Variants in TET3 observed in about 807,000 individuals in gnomAD.
The protein encoded by TET3 is methylcytosine dioxygenase TET3.
Under a neutral mutation model 141.4 loss-of-function variants are expected in TET3, and 19 were observed. That is an observed-to-expected ratio of 0.13 (90% confidence interval 0.09 to 0.20). TET3 has a LOEUF of 0.20. TET3 is among the 10% of genes least tolerant of loss of function. TET3 has a pLI of 1.00. For synonymous variants in TET3, 1,043 were observed against 980.9 expected, an observed-to-expected ratio of 1.06 and a Z score of -1.18; for missense variants, 1,874 against 2,356.9, an observed-to-expected ratio of 0.80 and a Z score of 4.24.
At chr2:74,085,173 G>T (rs1308197752) in intron 6 of TET3, among the ~76,000 whole-genome samples, 1 of 151,964 alleles carries the variant, frequency 6.6e-6, no homozygotes, top group Non-Finnish European at 1.5e-5. Context: ...AAGAAAATTG[G>T]AGCACTCATG....
At chr2:74,054,362 GA>G (rs561852004) in intron 4 of TET3, among the ~76,000 whole-genome samples, 171 of 152,330 alleles carry the variant, frequency 1.1e-3, no homozygotes, top group Middle Eastern at 3.4e-3. Context: ...TTGGATGTAG[GA>G]GTAAGGGAGG....
At chr2:74,038,963 G>A (rs950806292) in intron 3 of TET3, among the ~76,000 whole-genome samples, 1 of 152,140 alleles carries the variant, frequency 6.6e-6, no homozygotes, top group Non-Finnish European at 1.5e-5. Flanking sequence ...CCATAACCAC[G>A]TTTCATCCCC....
At chr2:74,072,468 C>T (rs539505900) in intron 4 of TET3, among the ~76,000 whole-genome samples, 9 of 150,610 alleles carry the variant, frequency 6.0e-5, no homozygotes, top group Admixed American at 3.3e-4. Context: ...GCCAAGATCG[C>T]GCCATTGCAC....
At chr2:74,061,444 C>T (rs1178262381) in intron 4 of TET3, among the ~76,000 whole-genome samples, 1 of 146,848 alleles carries the variant, frequency 6.8e-6, no homozygotes, top group Non-Finnish European at 1.5e-5. Context: ...CCCTCCCGGA[C>T]GGGGCGGCTG....
rs1004848563 is a variant in TET3 at position 74,102,276 on chromosome 2, C to A, written c.*100C>A. ...GGGGGCGGGTTGGGGGTGCAGAAGT[C>A]TTTTTATCTCTATATACATATATAG... On this transcript the variant is annotated 3_prime_UTR_variant, in exon 12 of 12. Transcript: ENST00000409262. 7.4e-7 allele frequency: 1 copy of A among 1,353,182 alleles called. No individual in the cohort carries two copies. The highest frequency in any genetic ancestry group is 9.5e-7 in the Non-Finnish European group (1 of 1,054,644). 83.8% of individuals were successfully genotyped at this position (1,353,182 alleles called of 1,614,324 possible). A position where few individuals can be genotyped will look rare whatever the true frequency, so the allele number is the denominator to read the frequency against.
chr2:74,003,642 T>C (rs1177536577), intron 3 of TET3, among the ~76,000 whole-genome samples: 1 of 150,954 alleles, frequency 6.6e-6, no homozygotes, highest in East Asian at 1.9e-4. Flanking sequence ...CATGCTGCTG[T>C]CACCATGGAG....
the TET3 span, among the ~76,000 whole-genome samples, chr2:74,115,110 A>T: frequency 6.6e-6 from 1 of 152,152 alleles, no homozygotes; most frequent in Non-Finnish European, 1.5e-5. Flanking sequence ...AACTGAGATT[A>T]TATCATACTA....
intron 4 of TET3, among the ~76,000 whole-genome samples, chr2:74,069,331 A>G (rs1039649014): frequency 2.7e-5 from 4 of 149,358 alleles, no homozygotes; most frequent in Non-Finnish European, 5.9e-5. Flanking sequence ...GCTAGATCAT[A>G]CAGTTTTTAA....
At position 73,986,458 on chromosome 2, in the gene TET3, G is replaced by A. The variant is rs889005795; in HGVS notation, c.55G>A (p.Asp19Asn). 1.6e-6 allele frequency: 2 copies of A among 1,232,144 alleles called. No homozygotes were observed. Among genetic ancestry groups the A allele is most frequent in the African/African-American group, 3.1e-5 (2 of 64,424 alleles). 76.3% of individuals were successfully genotyped at this position (1,232,144 alleles called of 1,614,324 possible). A position where few individuals can be genotyped will look rare whatever the true frequency, so the allele number is the denominator to read the frequency against. The change falls in exon 2 of 12, where the codon GAC becomes AAC. Residue 19 changes from aspartate to asparagine, a missense_variant. Physicochemically the swap from Asp to Asn is conservative, Grantham distance 23. Coordinates refer to ENST00000409262, the MANE Select transcript of TET3 (RefSeq NM_001287491.2). ...AVQPDLPGLY[D>N]FPQRQVMVGS... ...CCAGCCGGACCTGCCAGGCCTTTAT[G>A]ACTTCCCTCAGCGCCAGGTGATGGT...
rs114608814 is a variant in TET3, at chr2:74,029,740, C to A, written c.361-16538C>A. Among the ~76,000 whole-genome samples the A allele has an allele frequency of 5.0e-3, 766 of 152,326 alleles. 5 individuals carry two copies. Among genetic ancestry groups the A allele is most frequent in the African/African-American group, 0.018 (742 of 41,562 alleles). On this transcript the variant is annotated intron_variant, in intron 3 of 11. Transcript: ENST00000409262. ...TTCTACTGAAGCTGTCCTTTCTGTT[C>A]CTTATTCTATGCCTATGACCTCTCT...
At chr2:74,082,296 T>G (rs938890167) in intron 6 of TET3, among the ~76,000 whole-genome samples, 1 of 152,172 alleles carries the variant, frequency 6.6e-6, no homozygotes, top group African/African-American at 2.4e-5. Context: ...CACACTTGCC[T>G]GCAGACTGGG....
the TET3 span, among the ~76,000 whole-genome samples, chr2:74,126,074 A>G: frequency 6.6e-6 from 1 of 152,248 alleles, no homozygotes; most frequent in East Asian, 1.9e-4. Context: ...TACTTGCACT[A>G]AAATTTTGTA....
Position 74,093,122 on chromosome 2 carries a change from A to G in TET3, c.3129+131A>G. ...AAGAGCCTAGTCCAGAAGTAAAGCGATATGATGTGGTTCTTTGATAAAAAC... is the reference window on the plus strand; with the variant it reads ...AAGAGCCTAGTCCAGAAGTAAAGCGGTATGATGTGGTTCTTTGATAAAAAC... On this transcript the variant is annotated intron_variant, in intron 9 of 11. Coordinates refer to ENST00000409262, the MANE Select transcript of TET3 (RefSeq NM_001287491.2). The surrounding 1 kb of genome is among the most constrained non-coding windows in gnomAD (Gnocchi z 4.2). 4 of 849,886 alleles carry G rather than the reference A, an allele frequency of 4.7e-6. No individual in the cohort carries two copies. 52.6% of individuals were successfully genotyped at this position (849,886 alleles called of 1,614,324 possible).
intron 4 of TET3, among the ~76,000 whole-genome samples, chr2:74,064,691 A>G (rs1688784641): frequency 6.6e-6 from 1 of 152,164 alleles, no homozygotes; most frequent in Non-Finnish European, 1.5e-5. Context: ...GAGCCACCAC[A>G]GCTGGCCCAG....
the TET3 span, among the ~76,000 whole-genome samples, chr2:74,113,465 G>C: frequency 6.6e-6 from 1 of 152,114 alleles, no homozygotes; most frequent in Non-Finnish European, 1.5e-5. Flanking sequence ...GCAAGAACTT[G>C]AAATAAAAGG....
At chr2:74,082,662 A>G (rs1689897713) in intron 6 of TET3, among the ~76,000 whole-genome samples, 2 of 152,156 alleles carry the variant, frequency 1.3e-5, no homozygotes, top group African/African-American at 4.8e-5. Context: ...TTTTCTGGCC[A>G]TCTCCTTTAG....
the TET3 span, chr2:74,122,511 A>ATTTTTTTTTTTTTTTTT: frequency 2.1e-5 from 1 of 47,556 alleles, no homozygotes; most frequent in Non-Finnish European, 3.8e-5. Context: ...ATATATATAT[A>ATTTTTTTTTTTTTTTTT]TTTTTTTTTT....
At chr2:73,986,747 G>C (rs1481879087) in intron 2 of TET3, 41 bp downstream of exon 2, 2 of 1,230,464 alleles carry the variant, frequency 1.6e-6, no homozygotes, top group African/African-American at 3.1e-5. Context: ...CCTTCCTCGA[G>C]GGCACGGTGA....
rs771064124 is a variant in TET3 at position 74,047,736 on chromosome 2, A to G, written c.1819A>G (p.Ile607Val). ...PGIKPSVRKPIQIKKSRPREA... is the reference protein window; with the variant it reads ...PGIKPSVRKPVQIKKSRPREA... ...GATCAAGCCCAGTGTCCGAAAGCCC[A>G]TTCAGATCAAGAAGTCCAGGCCCCG... Residue 607 changes from isoleucine (I) to valine (V), a missense_variant, in exon 4 of 12, where the codon ATT becomes GTT. Ile to Val is a conservative substitution (Grantham distance 29). This residue lies in a region of TET3 where 484 missense variants were observed against 462.2 expected (regional missense o/e 1.05). Coordinates refer to ENST00000409262, the MANE Select transcript of TET3 (RefSeq NM_001287491.2). 1 of 1,613,716 alleles carries G rather than the reference A, an allele frequency of 6.2e-7. No homozygotes were observed. The highest frequency in any genetic ancestry group is 8.5e-7 in the Non-Finnish European group (1 of 1,179,800).
Sources: gnomAD v4.1 joint callset for allele counts (sites outside exome capture counted in the v4.1 genomes callset) on GRCh38, gnomAD v4.1.1 for gene constraint, gnomAD v4.1.1 regional missense constraint, Gnocchi (gnomAD v3.1) non-coding constraint, MANE v1.5 for transcripts, NCBI Gene and HGNC (gene_info 2026-07-23, HGNC 2026-07-21) for gene names.